EDEM2: variants seen among roughly 807,000 people sequenced by gnomAD.
EDEM2 encodes the protein ER degradation-enhancing alpha-mannosidase-like protein 2.
A neutral mutation model predicts 64.8 loss-of-function variants in EDEM2; 39 were observed. The observed-to-expected ratio is 0.60, with a 90% CI of 0.47 to 0.79. The LOEUF (loss-of-function observed/expected upper bound fraction) is 0.79. EDEM2 is among the 30% of genes least tolerant of loss of function. The pLI is 0.00. For synonymous variants in EDEM2, 296 were observed against 291.5 expected, an observed-to-expected ratio of 1.02 and a Z score of -0.16; for missense variants, 609 against 731.3, an observed-to-expected ratio of 0.83 and a Z score of 1.93.
At chr20:35,147,127 T>C in intron 1 of EDEM2, 25 bp downstream of exon 1, 1 of 1,594,666 alleles carries the variant, frequency 6.3e-7, no homozygotes, top group Non-Finnish European at 8.6e-7. Flanking sequence ...ATTCCCCAAC[T>C]GCGAAAGGGC....
chr20:35,134,745 A>G lies in EDEM2; in HGVS notation c.695T>C (p.Ile232Thr). The G allele has an allele frequency of 6.8e-6, 11 of 1,612,880 alleles. No homozygotes were observed. The highest frequency in any genetic ancestry group is 1.3e-5 in the African/African-American group (1 of 74,994). ...GGGCAGCAGCGAACCTACCAGCCCG[A>G]TATCTGACCGGCTCTCCCAGAGGCG... ...LMRLWESRSD[I>T]GLVGNHIDVL... The change falls in exon 6 of 11, where the codon ATC (isoleucine) becomes ACC (threonine). Residue 232 changes from isoleucine to threonine, a missense_variant. Physicochemically the swap from Ile to Thr is moderately conservative, Grantham distance 89. Transcript: ENST00000374492.
chr20:35,132,295 C>A (rs1264915634), intron 6 of EDEM2, among the ~76,000 whole-genome samples: 2 of 151,790 alleles, frequency 1.3e-5, no homozygotes, highest in Non-Finnish European at 2.9e-5. Flanking sequence ...TCACTGAGTA[C>A]CCTTTTTTGT....
intron 5 of EDEM2, among the ~76,000 whole-genome samples, chr20:35,136,233 C>T (rs1423576671): frequency 6.6e-6 from 1 of 152,158 alleles, no homozygotes; most frequent in Admixed American, 6.5e-5. Context: ...GTGACAAAAT[C>T]CTGTTTCTTG....
chr20:35,118,555 AG>A lies in EDEM2; in HGVS notation c.1236+42del. 1.9e-6 allele frequency: 3 copies of A among 1,612,864 alleles called. No homozygotes were observed. In the South Asian group the frequency reaches 3.3e-5, roughly 18 times the overall value. On this transcript the variant is annotated intron_variant, in intron 10 of 10. Coordinates refer to ENST00000374492, the MANE Select transcript of EDEM2 (RefSeq NM_018217.3). Reference sequence around the variant, plus strand: ...CCCTTAAAGAGGCTTTTTAGCAGCAAGGGGAGACTCTTCCCAGTTCTTGGGG... The same window carrying A: ...CCCTTAAAGAGGCTTTTTAGCAGCAAGGGAGACTCTTCCCAGTTCTTGGGG...
intron 9 of EDEM2, 65 bp from the exon 10 acceptor site, chr20:35,118,784 G>A (rs1569173844): frequency 6.3e-7 from 1 of 1,593,570 alleles, no homozygotes; most frequent in Non-Finnish European, 8.6e-7. Flanking sequence ...GGGCCTCTTA[G>A]GGCCGTGAGG....
chr20:35,142,797 G>A (rs1461595603), intron 3 of EDEM2, among the ~76,000 whole-genome samples: 1 of 152,054 alleles, frequency 6.6e-6, no homozygotes, highest in African/African-American at 2.4e-5. Context: ...ACAGAGTCTC[G>A]CTCTGCTGCC....
rs1031266259 is a variant in EDEM2 at position 35,133,446 on chromosome 20, A to G, written c.702+1292T>C. ...CTGCCTGAGATGGACTAAGGGATTT[A>G]CTACAGGTCTCCAGCGGGGCACCTT... is the stretch of plus-strand genomic sequence containing the variant. On this transcript the variant is annotated intron_variant, in intron 6 of 10. Coordinates refer to ENST00000374492, the MANE Select transcript of EDEM2 (RefSeq NM_018217.3). Among the ~76,000 whole-genome samples the G allele has an allele frequency of 7.9e-5, 12 of 151,442 alleles. No individual in the cohort carries two copies. In the East Asian group the frequency reaches 2.1e-3, roughly 27 times the overall value.
In EDEM2 at chr20:35,131,676, C is replaced by G. The variant is rs146389165; in HGVS notation, c.810G>C (p.Leu270=). The change falls in exon 7 of 11, where the codon CTG becomes CTC. Residue 270 remains leucine, a synonymous_variant. Coordinates refer to ENST00000374492, the MANE Select transcript of EDEM2 (RefSeq NM_018217.3). ...TGGCCATGAGCTTCTTATCCTGAAG[C>G]AGGATGGCTCCTTTCACCAAGTACT... ...YFEYLVKGAI[L]LQDKKLMAMF... is the part of the protein sequence containing the mutation. 3.8e-4 allele frequency: 606 copies of G among 1,614,234 alleles called. 1 individual carries two copies. Among genetic ancestry groups the G allele is most frequent in the South Asian group, 1.7e-3 (152 of 91,088 alleles).
chr20:35,128,652 A>G (rs2146098019), intron 7 of EDEM2, among the ~76,000 whole-genome samples: 1 of 150,488 alleles, frequency 6.6e-6, no homozygotes, highest in East Asian at 1.9e-4. Flanking sequence ...AGATAACAAC[A>G]GTTCTGTGAG....
At chr20:35,128,438 A>G (rs934710963) in intron 7 of EDEM2, among the ~76,000 whole-genome samples, 1 of 149,666 alleles carries the variant, frequency 6.7e-6, no homozygotes, top group Non-Finnish European at 1.5e-5. Context: ...GGGTGCCTAT[A>G]ATCCCAGCTG....
At chr20:35,122,536 A>G (rs973393220) in intron 9 of EDEM2, among the ~76,000 whole-genome samples, 1 of 152,012 alleles carries the variant, frequency 6.6e-6, no homozygotes, top group African/African-American at 2.4e-5. Flanking sequence ...CACCATGCCC[A>G]GCTAATTTTG....
At chr20:35,119,572 G>A (rs1456268820) in intron 9 of EDEM2, among the ~76,000 whole-genome samples, 2 of 152,076 alleles carry the variant, frequency 1.3e-5, no homozygotes, top group Non-Finnish European at 1.5e-5. Flanking sequence ...CTCCAGCCTG[G>A]ATGACAAGAG....
In EDEM2 at chr20:35,115,588, G is replaced by A. The variant is rs149418121; in HGVS notation, c.1582C>T (p.Pro528Ser). The A allele has an allele frequency of 8.1e-6, 13 of 1,613,600 alleles. No homozygotes were observed. The African/African-American group carries it at 1.2e-4, about 15-fold the overall frequency. Residue 528 changes from proline to serine, a missense_variant, in exon 11 of 11, where the codon CCA (proline) becomes TCA (serine). Coordinates refer to ENST00000374492, the MANE Select transcript of EDEM2 (RefSeq NM_018217.3). Reference protein sequence around the residue: ...NTVSSGPWEPPARPGTLFSPE... With the variant: ...NTVSSGPWEPSARPGTLFSPE... ...GAGAAGAGTGTTCCTGGCCTTGCTG[G>A]AGGTTCCCATGGCCCCGAACTAACA... is the stretch of plus-strand genomic sequence containing the variant.
intron 4 of EDEM2, among the ~76,000 whole-genome samples, chr20:35,139,391 G>C (rs996170702): frequency 2.7e-5 from 4 of 148,344 alleles, no homozygotes; most frequent in African/African-American, 7.5e-5. Context: ...GCTCATGCCT[G>C]TAATCCCAGC....
At chr20:35,133,547 A>C (rs1330547355) in intron 6 of EDEM2, among the ~76,000 whole-genome samples, 1 of 150,706 alleles carries the variant, frequency 6.6e-6, no homozygotes, top group Non-Finnish European at 1.5e-5. Context: ...GCTCATCCCA[A>C]CCTCCACCTC....
In EDEM2 at chr20:35,146,759, C is replaced by G. The variant is rs767050391; in HGVS notation, c.218+66G>C. On this transcript the variant is annotated intron_variant, in intron 2 of 10. Transcript: ENST00000374492. ...GAGACCATGAAGCCACCAGCCCCAG[C>G]TGACCCGCCCGCCGAGGCCCAGAGA... is the stretch of plus-strand genomic sequence containing the variant. The G allele has an allele frequency of 2.6e-6, 4 of 1,555,532 alleles. No homozygotes were observed. The South Asian group carries it at 3.5e-5, about 14-fold the overall frequency.
intron 9 of EDEM2, among the ~76,000 whole-genome samples, chr20:35,119,694 G>GT (rs1569174173): frequency 6.6e-6 from 1 of 152,190 alleles, no homozygotes; most frequent in Non-Finnish European, 1.5e-5. Flanking sequence ...AAAAAGTGAT[G>GT]TTTTGTCTTG....
chr20:35,131,733 T>A lies in EDEM2; in HGVS notation c.753A>T (p.Ala251=), dbSNP rs1462196262. ...AGGAGTCCACGCCAGCCCCGATGCC[T>A]GCGTCCTGGGCCACCCACTTGCCAG... ...VLTGKWVAQD[A]GIGAGVDSYF... is the part of the protein sequence containing the mutation. The change falls in exon 7 of 11, where the codon GCA becomes GCT. Residue 251 remains alanine, a synonymous_variant. Transcript: ENST00000374492. The A allele has an allele frequency of 6.2e-7, 1 of 1,614,142 alleles. No individual in the cohort carries two copies. Among genetic ancestry groups the A allele is most frequent in the Admixed American group, 1.7e-5 (1 of 60,012 alleles).
At chr20:35,130,349 C>T (rs1355370732) in intron 7 of EDEM2, among the ~76,000 whole-genome samples, 1 of 152,130 alleles carries the variant, frequency 6.6e-6, no homozygotes, top group African/African-American at 2.4e-5. Flanking sequence ...GGATTAAAGG[C>T]ATGAGCCACT....
Sources: allele counts gnomAD v4.1 joint callset (sites outside exome capture counted in the v4.1 genomes callset), GRCh38; gene constraint gnomAD v4.1.1; transcripts MANE v1.5; gene names NCBI Gene and HGNC (gene_info 2026-07-23, HGNC 2026-07-21).